The following CSNK1G1 variants were observed in gnomAD, a reference collection of about 807,000 sequenced individuals.
CSNK1G1 encodes casein kinase I isoform gamma-1.
CSNK1G1 carries 22 observed loss-of-function variants against 59.6 expected under a neutral mutation model. That is an observed-to-expected ratio of 0.37 (90% CI 0.26 to 0.53). CSNK1G1 has a LOEUF of 0.53. Ranked by LOEUF, CSNK1G1 falls within the 20% of genes least tolerant of loss-of-function variation. CSNK1G1 has a pLI of 0.89. For synonymous variants in CSNK1G1, 179 were observed against 177.1 expected, an observed-to-expected ratio of 1.01 and a Z score of -0.08; for missense variants, 384 against 519.5, an observed-to-expected ratio of 0.74 and a Z score of 2.54.
chr15:64,233,110 C>A (rs1424332102), intron 4 of CSNK1G1, among the ~76,000 whole-genome samples: 3 of 152,098 alleles, frequency 2.0e-5, no homozygotes, highest in Non-Finnish European at 4.4e-5. Flanking sequence ...TAAAAGAAAA[C>A]AAAATCTAAG....
intron 4 of CSNK1G1, among the ~76,000 whole-genome samples, chr15:64,232,747 A>C (rs1368559692): frequency 6.6e-6 from 1 of 152,186 alleles, no homozygotes; most frequent in Admixed American, 6.5e-5. Context: ...GCATTCTCTA[A>C]CGGCAGCCAC....
chr15:64,183,688 TATGA>T (rs1198520861), intron 10 of CSNK1G1, among the ~76,000 whole-genome samples: 1 of 152,142 alleles, frequency 6.6e-6, no homozygotes, highest in African/African-American at 2.4e-5. Context: ...AAAAGAATCT[TATGA>T]ATAACAAATT....
At position 64,353,475 on chromosome 15, in the gene CSNK1G1, T is replaced by C. The variant is rs1310098432; in HGVS notation, c.-225+2513A>G. ...TCCTGGCTAACATGATGACACTTCG[T>C]CTCTACTAAAAATACAAAAAAATTA... On this transcript the variant is annotated intron_variant, in intron 1 of 11. Transcript: ENST00000303052. 8.6e-5 allele frequency among the ~76,000 whole-genome samples: 13 copies of C among 151,636 alleles called. No homozygotes were observed. In the South Asian group the frequency reaches 1.7e-3, roughly 20 times the overall value.
At chr15:64,318,341 T>G (rs1896382853) in intron 1 of CSNK1G1, among the ~76,000 whole-genome samples, 1 of 152,110 alleles carries the variant, frequency 6.6e-6, no homozygotes, top group Non-Finnish European at 1.5e-5. Context: ...TCTTTCCATC[T>G]GGTCTAAATA....
intron 2 of CSNK1G1, among the ~76,000 whole-genome samples, chr15:64,291,884 A>G (rs1894759456): frequency 6.6e-6 from 1 of 152,096 alleles, no homozygotes; most frequent in Admixed American, 6.6e-5. Flanking sequence ...AAAAAAAGAA[A>G]AGCTAGTAGC....
At chr15:64,179,826 C>A (rs1333416551) in intron 11 of CSNK1G1, among the ~76,000 whole-genome samples, 2 of 152,200 alleles carry the variant, frequency 1.3e-5, no homozygotes, top group Non-Finnish European at 2.9e-5. Flanking sequence ...GACTTCCATT[C>A]TTTTCCCACA....
intron 10 of CSNK1G1, among the ~76,000 whole-genome samples, chr15:64,202,623 G>A (rs1236345042): frequency 1.3e-5 from 2 of 151,390 alleles, no homozygotes; most frequent in African/African-American, 4.9e-5. Context: ...AGCAATCTTG[G>A]CTCTCTGCTG....
intron 2 of CSNK1G1, among the ~76,000 whole-genome samples, chr15:64,270,124 A>G (rs1298385269): frequency 6.6e-6 from 1 of 152,146 alleles, no homozygotes; most frequent in Non-Finnish European, 1.5e-5. Context: ...GGCTGTTTGT[A>G]TTTCTGTGGG....
Position 64,200,096 on chromosome 15 carries a change from T to C in CSNK1G1, c.1107+2986A>G, listed in dbSNP as rs1208882774. 2.6e-5 allele frequency among the ~76,000 whole-genome samples: 4 copies of C among 151,634 alleles called. No individual in the cohort carries two copies. Among genetic ancestry groups the C allele is most frequent in the African/African-American group, 9.7e-5 (4 of 41,280 alleles). On this transcript the variant is annotated intron_variant, in intron 10 of 11. Coordinates refer to ENST00000303052, the MANE Select transcript of CSNK1G1 (RefSeq NM_022048.5). This position sits in a 1 kb window ranked among gnomAD's most constrained non-coding sequence, Gnocchi z 4.3. The stretch of plus-strand genomic sequence containing the variant: ...CCCATCTCCACTAAACATACAAAAA[T>C]TAGCCCGGTGTGGTGGCAGGCACCT...
chr15:64,296,937 C>CTTTTTTTTTTTTTTTTTTT (rs960068624), intron 2 of CSNK1G1, among the ~76,000 whole-genome samples: 2 of 89,668 alleles, frequency 2.2e-5, no homozygotes, highest in African/African-American at 9.8e-5. Context: ...ACTATCGTTA[C>CTTTTTTTTTTTTTTTTTTT]TTTTTTTTTT....
rs183924229 is a variant in CSNK1G1 at position 64,308,623 on chromosome 15, G to A, written c.-224-7900C>T. Among the ~76,000 whole-genome samples, 223 of 152,184 alleles carry A rather than the reference G, an allele frequency of 1.5e-3. 1 individual carries two copies. The highest frequency in any genetic ancestry group is 5.2e-3 in the African/African-American group (216 of 41,512). ...GGATAAAACAAAATCCTGGCCAGGC[G>A]CGGTGGCTCACATCTATAATCCCAG... On this transcript the variant is annotated intron_variant, in intron 1 of 11. Transcript: ENST00000303052.
intron 4 of CSNK1G1, among the ~76,000 whole-genome samples, chr15:64,243,575 G>A (rs969557217): frequency 6.6e-6 from 1 of 151,980 alleles, no homozygotes; most frequent in Admixed American, 6.6e-5. Flanking sequence ...AAGACATAAA[G>A]GGCATCCAAA....
chr15:64,355,389 C>T (rs916005537), intron 1 of CSNK1G1, among the ~76,000 whole-genome samples: 4 of 152,186 alleles, frequency 2.6e-5, no homozygotes, highest in Non-Finnish European at 5.9e-5. Flanking sequence ...GATGCCTGCC[C>T]ACTTGGGGGA....
At chr15:64,180,325 G>T (rs140140446) in intron 11 of CSNK1G1, 23 bp downstream of exon 11, 10 of 1,563,118 alleles carry the variant, frequency 6.4e-6, no homozygotes, top group Non-Finnish European at 7.9e-6. Context: ...TGACTTAAGA[G>T]CCCCCTTGAA....
At chr15:64,296,667 C>A (rs1404693835) in intron 2 of CSNK1G1, among the ~76,000 whole-genome samples, 2 of 151,892 alleles carry the variant, frequency 1.3e-5, no homozygotes, top group Non-Finnish European at 2.9e-5. Flanking sequence ...GAGTTCGAGA[C>A]CAGCCTGGCC....
chr15:64,216,733 G>A lies in CSNK1G1; in HGVS notation c.293-20C>T. 6.2e-7 allele frequency: 1 copy of A among 1,611,246 alleles called. No individual in the cohort carries two copies. The highest frequency in any genetic ancestry group is 8.5e-7 in the Non-Finnish European group (1 of 1,177,742). On this transcript the variant is annotated intron_variant, in intron 4 of 11. Coordinates refer to ENST00000303052, the MANE Select transcript of CSNK1G1 (RefSeq NM_022048.5). This position sits in a 1 kb window ranked among gnomAD's most constrained non-coding sequence, Gnocchi z 4.6. ...CTTCACCTGAAAGCAGAGGGGAAAT[G>A]GGGGTATACAGTGGGAGACACAAAA...
intron 1 of CSNK1G1, among the ~76,000 whole-genome samples, chr15:64,304,505 T>C (rs529220891): frequency 6.6e-6 from 1 of 152,272 alleles, no homozygotes; most frequent in Admixed American, 6.5e-5. Context: ...CCTGTTTCTT[T>C]ATCACTCTCA....
chr15:64,336,357 CCTTT>C (rs956876123), intron 1 of CSNK1G1, among the ~76,000 whole-genome samples: 3 of 152,196 alleles, frequency 2.0e-5, no homozygotes, highest in African/African-American at 7.2e-5. Context: ...TTCCTTTCTT[CCTTT>C]CTTATTTGTT....
chr15:64,299,431 A>G (rs1596242141), intron 2 of CSNK1G1, among the ~76,000 whole-genome samples: 1 of 152,070 alleles, frequency 6.6e-6, no homozygotes, highest in East Asian at 1.9e-4. Flanking sequence ...TACTAAAAAT[A>G]CAAAAACAAA....
Sources: allele counts gnomAD v4.1 joint callset (sites outside exome capture counted in the v4.1 genomes callset), GRCh38; gene constraint gnomAD v4.1.1; non-coding constraint Gnocchi (gnomAD v3.1); transcripts MANE v1.5; gene names NCBI Gene and HGNC (gene_info 2026-07-23, HGNC 2026-07-21).